ZC3HAV1L: variants seen among roughly 807,000 people sequenced by gnomAD.
The protein encoded by ZC3HAV1L is zinc finger CCCH-type antiviral protein 1-like.
In ZC3HAV1L, 23 loss-of-function variants were observed where a neutral mutation model predicts 28.2. The observed-to-expected ratio is 0.82, with a 90% CI of 0.59 to 1.16. The LOEUF (loss-of-function observed/expected upper bound fraction) is 1.16, where lower values mean the gene tolerates loss of function less well. ZC3HAV1L is among the 50% of genes most tolerant of loss of function. The pLI, the probability that ZC3HAV1L is intolerant of heterozygous loss-of-function variation, is 0.00. For missense variants in ZC3HAV1L, 376 were observed against 387.7 expected (o/e 0.97, Z 0.25); for synonymous variants, 180 against 163.4 (o/e 1.10, Z -0.78).
intron 2 of ZC3HAV1L, among the ~76,000 whole-genome samples, chr7:139,029,795 G>C (rs1815470227): frequency 6.6e-6 from 1 of 152,060 alleles, no homozygotes; most frequent in African/African-American, 2.4e-5. Context: ...AGTTTCAACG[G>C]GTGGCACAAA....
chr7:139,029,730 C>CA (rs1162557422), intron 2 of ZC3HAV1L, among the ~76,000 whole-genome samples: 1 of 152,086 alleles, frequency 6.6e-6, no homozygotes, highest in Non-Finnish European at 1.5e-5. Flanking sequence ...AGCCCGCCCT[C>CA]AAAAAAATCA....
intron 1 of ZC3HAV1L, chr7:139,035,162 A>G: frequency 1.0e-6 from 1 of 985,452 alleles, no homozygotes; most frequent in Non-Finnish European, 1.2e-6. Flanking sequence ...CAAGCCATCC[A>G]GCCCTGTTTC....
chr7:139,022,461 G>A, downstream of ZC3HAV1L: 1 of 393,092 alleles, frequency 2.5e-6, no homozygotes, highest in African/African-American at 2.1e-5. Flanking sequence ...CAAGAGGATG[G>A]CTTGAGCCTG....
At chr7:139,024,971 CAGCTGGGTAGGTGGAG>C (rs143598418), downstream of ZC3HAV1L, among the ~76,000 whole-genome samples, 7,848 of 152,116 alleles carry the variant, frequency 0.052, 272 homozygotes, top group African/African-American at 0.096. Flanking sequence ...TCAATGAACA[CAGCTGGGTAGGTGGAG>C]AGCAGGGAGG....
rs993398601 is a variant in ZC3HAV1L at position 139,034,523 on chromosome 7, G to A, written c.501+20C>T. The A allele has an allele frequency of 6.2e-7, 1 of 1,612,680 alleles. No homozygotes were observed. The highest frequency in any genetic ancestry group is 8.5e-7 in the Non-Finnish European group (1 of 1,178,916). On this transcript the variant is annotated intron_variant, in intron 2 of 4. Coordinates refer to ENST00000275766, the MANE Select transcript of ZC3HAV1L (RefSeq NM_080660.4). Reference sequence around the variant, plus strand: ...TACTTGTAGCAAATGTGACATGAGGGTGACTCCTTGGTGACTCACCTCTGG... The same window carrying A: ...TACTTGTAGCAAATGTGACATGAGGATGACTCCTTGGTGACTCACCTCTGG...
At chr7:139,032,771 G>A (rs979776867) in intron 2 of ZC3HAV1L, among the ~76,000 whole-genome samples, 31 of 151,916 alleles carry the variant, frequency 2.0e-4, no homozygotes, top group Admixed American at 1.5e-3. Context: ...GTAAAGTAAT[G>A]GTATGCTAAT....
rs1395471153 is a variant in ZC3HAV1L at position 139,035,959 on chromosome 7, C to T, written c.59G>A (p.Arg20His). ...GCCGCGCAGGTCCTTCAGGAACATGCGGCCGCCGTGGGCGCACAGCACCTT... is the reference window on the plus strand; with the variant it reads ...GCCGCGCAGGTCCTTCAGGAACATGTGGCCGCCGTGGGCGCACAGCACCTT... ...LTKVLCAHGG[R>H]MFLKDLRGHV... Residue 20 changes from arginine to histidine, a missense_variant, in exon 1 of 5, where the codon CGC becomes CAC. Arg to His is a conservative substitution (Grantham distance 29). Coordinates refer to ENST00000275766, the MANE Select transcript of ZC3HAV1L (RefSeq NM_080660.4). 2 of 1,519,678 alleles carry T rather than the reference C, an allele frequency of 1.3e-6. No homozygotes were observed. Among genetic ancestry groups the T allele is most frequent in the East Asian group, 2.6e-5 (1 of 38,084 alleles). The allele number at this position is 1,519,678 out of a possible 1,614,324, so 94.1% of individuals were successfully genotyped here.
rs1815354658 is a variant in ZC3HAV1L at position 139,026,475 on chromosome 7, A to AC, written c.*68dup. 6.3e-7 allele frequency: 1 copy of AC among 1,599,646 alleles called. No individual in the cohort carries two copies. The highest frequency in any genetic ancestry group is 8.5e-7 in the Non-Finnish European group (1 of 1,175,040). On this transcript the variant is annotated 3_prime_UTR_variant, in exon 5 of 5. Coordinates refer to ENST00000275766, the MANE Select transcript of ZC3HAV1L (RefSeq NM_080660.4). ...CCTCTCTTTGCCTGTTCAATGTCCC[A>AC]CCCCATCCCCAACCACCCATGCCCA...
rs1257071675 is a variant in ZC3HAV1L at position 139,035,867 on chromosome 7, G to T, written c.151C>A (p.Leu51Met). The T allele has an allele frequency of 1.3e-6, 2 of 1,510,150 alleles. No individual in the cohort carries two copies. The highest frequency in any genetic ancestry group is 8.8e-7 in the Non-Finnish European group (1 of 1,137,044). 93.5% of individuals were successfully genotyped at this position (1,510,150 alleles called of 1,614,324 possible). ...CCCTCCTGCGTCTCCACCTCCTGCA[G>T]CAGGAAACGCTCGGGCCCGGCGCGC... Reference protein sequence around the residue: ...LQRAGPERFLLQEVETQEGLG... With the variant: ...LQRAGPERFLMQEVETQEGLG... The change falls in exon 1 of 5, where the codon CTG (leucine) becomes ATG (methionine). Residue 51 changes from leucine to methionine, a missense_variant. Physicochemically the swap from Leu to Met is conservative, Grantham distance 15. Transcript: ENST00000275766.
rs1030814287 is a variant in ZC3HAV1L, at chr7:139,033,791, C to T, written c.501+752G>A. Reference sequence around the variant, plus strand: ...TAAAAGGCAAATAGCAGCGGCACCACGCCTTCTCTCTGAGACAGGAAGGAC... The same window carrying T: ...TAAAAGGCAAATAGCAGCGGCACCATGCCTTCTCTCTGAGACAGGAAGGAC... On this transcript the variant is annotated intron_variant, in intron 2 of 4. Transcript: ENST00000275766. The T allele has an allele frequency of 6.3e-5, 62 of 984,964 alleles. No individual in the cohort carries two copies. In the African/African-American group the frequency reaches 9.2e-4, roughly 15 times the overall value. 61.0% of individuals were successfully genotyped at this position (984,964 alleles called of 1,614,324 possible).
downstream of ZC3HAV1L, chr7:139,022,423 ATAGT>A (rs765676596): frequency 9.3e-6 from 4 of 430,608 alleles, no homozygotes; most frequent in Non-Finnish European, 1.9e-5. Flanking sequence ...GCATGCACCT[ATAGT>A]CCCGGCTACT....
chr7:139,028,207 G>A (rs574869563), intron 3 of ZC3HAV1L, among the ~76,000 whole-genome samples: 28 of 151,704 alleles, frequency 1.8e-4, no homozygotes, highest in African/African-American at 5.6e-4. Context: ...ACCCCGCCTC[G>A]ACTAAGAATA....
Position 139,034,077 on chromosome 7 carries a change from A to C in ZC3HAV1L, c.501+466T>G, listed in dbSNP as rs1031902780. On this transcript the variant is annotated intron_variant, in intron 2 of 4. Coordinates refer to ENST00000275766, the MANE Select transcript of ZC3HAV1L (RefSeq NM_080660.4). ...TGCTGCCTTGAGAGCAGCCTCTGCC[A>C]CCTGCACCAAAGGCTCCAGCTCCTA... 5.1e-6 allele frequency: 5 copies of C among 985,342 alleles called. 1 individual carries two copies. Among genetic ancestry groups the C allele is most frequent in the Non-Finnish European group, 6.0e-6 (5 of 829,946 alleles). The allele number at this position is 985,342 out of a possible 1,614,324, so 61.0% of individuals were successfully genotyped here. A position where few individuals can be genotyped will look rare whatever the true frequency, so the allele number is the denominator to read the frequency against.
Position 139,026,155 on chromosome 7 carries a change from A to T in ZC3HAV1L, c.*389T>A. ...CTCAAAAAAAAAAACTGTTAGAAAAAGCCAAGTAGTTAAACAAACTATGAT... is the reference window on the plus strand; with the variant it reads ...CTCAAAAAAAAAAACTGTTAGAAAATGCCAAGTAGTTAAACAAACTATGAT... On this transcript the variant is annotated 3_prime_UTR_variant, in exon 5 of 5. Coordinates refer to ENST00000275766, the MANE Select transcript of ZC3HAV1L (RefSeq NM_080660.4). 1 of 182,804 alleles carries T rather than the reference A, an allele frequency of 5.5e-6. No homozygotes were observed. The highest frequency in any genetic ancestry group is 1.1e-5 in the Non-Finnish European group (1 of 88,888). 11.3% of individuals were successfully genotyped at this position (182,804 alleles called of 1,614,324 possible). A position where few individuals can be genotyped will look rare whatever the true frequency, so the allele number is the denominator to read the frequency against.
chr7:139,035,241 A>G (rs2130640316), intron 1 of ZC3HAV1L: 2 of 985,400 alleles, frequency 2.0e-6, no homozygotes, highest in East Asian at 1.1e-4. Context: ...AAGTGTGTGG[A>G]TATGGGGGAG....
intron 2 of ZC3HAV1L, chr7:139,033,826 C>A: frequency 1.0e-6 from 1 of 985,472 alleles, no homozygotes; most frequent in Non-Finnish European, 1.2e-6. Context: ...CTGGACCCAG[C>A]CTCATAGGTG....
In ZC3HAV1L at chr7:139,026,865, G is replaced by A. The variant is rs147411838; in HGVS notation, c.761-32C>T. ...AGAGGAAAGGGATAAGTTTTCCTAC[G>A]ATACCCCAAGTTTCATTTTACGTTG... On this transcript the variant is annotated intron_variant, in intron 3 of 4. Transcript: ENST00000275766. 2.1e-4 allele frequency: 327 copies of A among 1,587,848 alleles called. No homozygotes were observed. In the African/African-American group the frequency reaches 3.4e-3, roughly 17 times the overall value.
chr7:139,023,400 T>C (rs1276282447), downstream of ZC3HAV1L, among the ~76,000 whole-genome samples: 1 of 152,182 alleles, frequency 6.6e-6, no homozygotes, highest in Non-Finnish European at 1.5e-5. Context: ...TGGGCCCACA[T>C]TCCCACGTGG....
chr7:139,035,329 T>A, intron 1 of ZC3HAV1L: 1 of 984,316 alleles, frequency 1.0e-6, no homozygotes, highest in Non-Finnish European at 1.2e-6. Context: ...CCGCCAAATA[T>A]CACCAGAATA....
Sources: allele counts gnomAD v4.1 joint callset (sites outside exome capture counted in the v4.1 genomes callset), GRCh38; gene constraint gnomAD v4.1.1; transcripts MANE v1.5; gene names NCBI Gene and HGNC (gene_info 2026-07-23, HGNC 2026-07-21).